The following ALK variants were observed in gnomAD, a reference collection of about 807,000 sequenced individuals.
The protein encoded by ALK is ALK tyrosine kinase receptor.
Under a neutral mutation model 163.1 loss-of-function variants are expected in ALK, and 74 were observed. That is an observed-to-expected ratio of 0.45 (90% CI 0.38 to 0.55). ALK has a LOEUF of 0.55. ALK is among the 20% of genes least tolerant of loss of function. The probability of loss-of-function intolerance (pLI) is 0.00; values close to 1 mark genes in which losing one functional copy is unlikely to be tolerated. For missense variants in ALK, 2,063 were observed against 2,105.3 expected, an observed-to-expected ratio of 0.98 and a Z score of 0.39; for synonymous variants, 960 against 843.2, an observed-to-expected ratio of 1.14 and a Z score of -2.40.
chr2:29,442,663 G>A (rs1001218516), intron 4 of ALK, among the ~76,000 whole-genome samples: 1 of 152,048 alleles, frequency 6.6e-6, no homozygotes, highest in Non-Finnish European at 1.5e-5. Flanking sequence ...AATAATGAGA[G>A]TAAAAGCACA....
intron 3 of ALK, among the ~76,000 whole-genome samples, chr2:29,689,258 C>A (rs1013630532): frequency 1.3e-5 from 2 of 152,188 alleles, no homozygotes; most frequent in African/African-American, 4.8e-5. Flanking sequence ...CCTATCAATA[C>A]CTCAAAAGAT....
chr2:29,492,142 T>C (rs933266807), intron 4 of ALK, among the ~76,000 whole-genome samples: 1 of 152,174 alleles, frequency 6.6e-6, no homozygotes, highest in Admixed American at 6.5e-5. Context: ...CCATTACCAA[T>C]TACAGTATTG....
chr2:29,778,802 C>T lies in ALK; in HGVS notation c.668-61105G>A, dbSNP rs539792951. Among the ~76,000 whole-genome samples the T allele has an allele frequency of 1.7e-3, 262 of 152,208 alleles. 1 individual carries two copies. Among genetic ancestry groups the T allele is most frequent in the African/African-American group, 6.1e-3 (254 of 41,522 alleles). ...GAGGGGCTGTATTACAATGTCTGTG[C>T]CTGCTGAACCCCCCGTGCGTCCTGC... On this transcript the variant is annotated intron_variant, in intron 1 of 28. Coordinates refer to ENST00000389048, the MANE Select transcript of ALK (RefSeq NM_004304.5).
chr2:29,868,253 G>T (rs767815604), intron 1 of ALK, among the ~76,000 whole-genome samples: 20 of 152,184 alleles, frequency 1.3e-4, no homozygotes, highest in Non-Finnish European at 2.2e-4. Flanking sequence ...GGAATAAGGG[G>T]CTCCTGCCCT....
intron 3 of ALK, among the ~76,000 whole-genome samples, chr2:29,548,187 G>A (rs1673608143): frequency 6.6e-6 from 1 of 152,100 alleles, no homozygotes; most frequent in African/African-American, 2.4e-5. Context: ...TAAGAGTTAA[G>A]TCACAGCCGA....
chr2:29,795,567 C>A (rs908551747), intron 1 of ALK, among the ~76,000 whole-genome samples: 1 of 151,912 alleles, frequency 6.6e-6, no homozygotes, highest in Non-Finnish European at 1.5e-5. Context: ...CAAAACAGAA[C>A]AAAACTAGGA....
intron 4 of ALK, among the ~76,000 whole-genome samples, chr2:29,436,705 G>A (rs143259357): frequency 1.3e-5 from 2 of 152,224 alleles, no homozygotes; most frequent in Admixed American, 1.3e-4. Context: ...TGGCCCAATC[G>A]TATCTGTGAC....
At chr2:29,838,924 T>C (rs1437301128) in intron 1 of ALK, among the ~76,000 whole-genome samples, 1 of 152,220 alleles carries the variant, frequency 6.6e-6, no homozygotes, top group Non-Finnish European at 1.5e-5. Context: ...ATTTAAATTA[T>C]TTTTGAATAA....
intron 11 of ALK, among the ~76,000 whole-genome samples, chr2:29,266,315 C>T (rs1022954731): frequency 2.0e-5 from 3 of 152,128 alleles, no homozygotes; most frequent in Non-Finnish European, 2.9e-5. Context: ...AACCTCCCCT[C>T]CAGATACATA....
chr2:29,238,482 C>G (rs1434234265), intron 13 of ALK, among the ~76,000 whole-genome samples: 1 of 152,182 alleles, frequency 6.6e-6, no homozygotes, highest in Non-Finnish European at 1.5e-5. Flanking sequence ...CAGGCATGAA[C>G]CACCGCACCC....
rs200160615 is a variant in ALK at position 29,621,732 on chromosome 2, A to C, written c.952+73118T>G. ...TACTGGAGACTCTTTGGGTTGAAAGAATATCTATCCTCCAGGTGACCCCCT... is the reference window on the plus strand; with the variant it reads ...TACTGGAGACTCTTTGGGTTGAAAGCATATCTATCCTCCAGGTGACCCCCT... On this transcript the variant is annotated intron_variant, in intron 3 of 28. Coordinates refer to ENST00000389048, the MANE Select transcript of ALK (RefSeq NM_004304.5). Among the ~76,000 whole-genome samples the C allele has an allele frequency of 3.9e-5, 6 of 152,182 alleles. No homozygotes were observed. The East Asian group carries it at 1.2e-3, about 29-fold the overall frequency.
chr2:29,228,975 C>T lies in ALK; in HGVS notation c.2724G>A (p.Gln908=), dbSNP rs1441852921. 1.2e-6 allele frequency: 2 copies of T among 1,600,056 alleles called. No individual in the cohort carries two copies. Among genetic ancestry groups the T allele is most frequent in the South Asian group, 2.2e-5 (2 of 90,744 alleles). The change falls in exon 16 of 29, where the codon CAG becomes CAA. Residue 908 remains glutamine, a synonymous_variant. Coordinates refer to ENST00000389048, the MANE Select transcript of ALK (RefSeq NM_004304.5). ...TCTCCCACCCCCACTTCTTCATGGC[C>T]TGGGGGCAGGAATGTCCTCCGGTGG... The part of the protein sequence containing the change: ...EGATGGHSCP[Q]AMKKWGWETR...
chr2:29,381,998 T>C (rs1235080125), intron 5 of ALK, among the ~76,000 whole-genome samples: 1 of 152,206 alleles, frequency 6.6e-6, no homozygotes, highest in East Asian at 1.9e-4. Context: ...CCCCATCCCT[T>C]GTTGACCACA....
chr2:29,375,306 ATTTTATTTTTAT>A (rs1190454901), intron 5 of ALK, among the ~76,000 whole-genome samples: 1 of 144,782 alleles, frequency 6.9e-6, no homozygotes, highest in Non-Finnish European at 1.6e-5. Context: ...TCCCTATTTT[ATTTTATTTTTAT>A]TTTTATTTAT....
chr2:29,721,384 C>A (rs1409807270), intron 1 of ALK, among the ~76,000 whole-genome samples: 1 of 152,180 alleles, frequency 6.6e-6, no homozygotes, highest in Non-Finnish European at 1.5e-5. Flanking sequence ...ACAGTGCTGA[C>A]AGGCCTCATT....
intron 4 of ALK, among the ~76,000 whole-genome samples, chr2:29,389,579 C>A (rs1272227951): frequency 6.6e-6 from 1 of 152,168 alleles, no homozygotes; most frequent in African/African-American, 2.4e-5. Flanking sequence ...GTCTCCAATG[C>A]CTTATACATC....
chr2:29,638,205 C>T (rs1676599494), intron 3 of ALK, among the ~76,000 whole-genome samples: 1 of 152,216 alleles, frequency 6.6e-6, no homozygotes, highest in Non-Finnish European at 1.5e-5. Context: ...CTGCTAACTG[C>T]ATGACCATGG....
intron 6 of ALK, among the ~76,000 whole-genome samples, chr2:29,323,830 C>T (rs536401078): frequency 2.0e-5 from 3 of 152,284 alleles, no homozygotes; most frequent in Non-Finnish European, 4.4e-5. Context: ...TCTTCTCATT[C>T]GCCCCAAGCT....
chr2:29,464,921 A>T (rs1671172144), intron 4 of ALK, among the ~76,000 whole-genome samples: 1 of 152,348 alleles, frequency 6.6e-6, no homozygotes, highest in East Asian at 1.9e-4. Flanking sequence ...AAGCTCAGAA[A>T]AAAAGACTGG....
Sources: gnomAD v4.1 joint callset for allele counts (sites outside exome capture counted in the v4.1 genomes callset) on GRCh38, gnomAD v4.1.1 for gene constraint, MANE v1.5 for transcripts, NCBI Gene and HGNC (gene_info 2026-07-23, HGNC 2026-07-21) for gene names.